The following C8orf34 variants were observed in gnomAD, a reference collection of about 807,000 sequenced individuals.
The protein encoded by C8orf34 is uncharacterized protein C8orf34.
In C8orf34, 65 loss-of-function variants were observed where a neutral mutation model predicts 68.3. That is an observed-to-expected ratio of 0.95 (90% CI 0.78 to 1.17). C8orf34 has a LOEUF of 1.17. Ranked by LOEUF, C8orf34 falls within the 50% of genes most tolerant of loss-of-function variation. C8orf34 has a pLI of 0.00. For missense variants in C8orf34, 664 were observed against 655.4 expected (o/e 1.01, Z -0.14); for synonymous variants, 244 against 241.2 (o/e 1.01, Z -0.11).
intron 10 of C8orf34, among the ~76,000 whole-genome samples, chr8:68,722,372 T>C (rs1821701100): frequency 6.6e-6 from 1 of 152,052 alleles, no homozygotes; most frequent in Admixed American, 6.6e-5. Context: ...TCTGAGGTAC[T>C]TGGGCTAGGA....
chr8:68,479,245 G>C (rs533209980), intron 4 of C8orf34, among the ~76,000 whole-genome samples: 1 of 152,202 alleles, frequency 6.6e-6, no homozygotes, highest in Non-Finnish European at 1.5e-5. Flanking sequence ...AGAGAGATGA[G>C]GAGTAGAGAA....
chr8:68,507,303 A>G (rs1303334563), intron 5 of C8orf34, among the ~76,000 whole-genome samples: 1 of 152,186 alleles, frequency 6.6e-6, no homozygotes, highest in Non-Finnish European at 1.5e-5. Flanking sequence ...CCATTGATTT[A>G]TTACTTGTCT....
chr8:68,543,660 T>G (rs2129963184), intron 7 of C8orf34, among the ~76,000 whole-genome samples: 1 of 152,320 alleles, frequency 6.6e-6, no homozygotes, highest in East Asian at 1.9e-4. Context: ...AAACCTGCAA[T>G]TAAACACTAA....
intron 8 of C8orf34, among the ~76,000 whole-genome samples, chr8:68,677,909 C>T (rs1312008711): frequency 6.6e-6 from 1 of 152,044 alleles, no homozygotes; most frequent in East Asian, 1.9e-4. Context: ...GACATTACAA[C>T]CAATATTGCA....
chr8:68,508,878 A>G lies in C8orf34; in HGVS notation c.766-12921A>G, dbSNP rs747708711. Reference sequence around the variant, plus strand: ...TTTTATTGGGTGAAAAAGGAAGAAAAGGGGGAAACAGGGACTCTCGCTAGG... The same window carrying G: ...TTTTATTGGGTGAAAAAGGAAGAAAGGGGGGAAACAGGGACTCTCGCTAGG... On this transcript the variant is annotated intron_variant, in intron 5 of 13. Transcript: ENST00000518698. Among the ~76,000 whole-genome samples, 6 of 152,184 alleles carry G rather than the reference A, an allele frequency of 3.9e-5. 1 individual carries two copies. The highest frequency in any genetic ancestry group is 4.2e-4 in the South Asian group (2 of 4,816).
chr8:68,766,395 C>T (rs1317095758), intron 10 of C8orf34, among the ~76,000 whole-genome samples: 2 of 152,118 alleles, frequency 1.3e-5, no homozygotes, highest in East Asian at 3.9e-4. Flanking sequence ...AGAATTTATA[C>T]AGGTACTTTA....
chr8:68,473,843 T>C (rs1245298518), intron 4 of C8orf34, among the ~76,000 whole-genome samples: 1 of 152,164 alleles, frequency 6.6e-6, no homozygotes, highest in African/African-American at 2.4e-5. Flanking sequence ...ATGAGCAGTT[T>C]TCCAGTCTTC....
chr8:68,693,948 G>A (rs1450472397), intron 8 of C8orf34, among the ~76,000 whole-genome samples: 1 of 152,036 alleles, frequency 6.6e-6, no homozygotes, highest in African/African-American at 2.4e-5. Context: ...AAAGGGTGGA[G>A]GAATATTGCA....
chr8:68,473,202 T>G (rs146971860), intron 4 of C8orf34, among the ~76,000 whole-genome samples: 71 of 152,178 alleles, frequency 4.7e-4, no homozygotes, highest in African/African-American at 1.3e-3. Context: ...GGAGAACAGT[T>G]CTCTCTCTTG....
Position 68,779,180 on chromosome 8 carries a change from A to AACACACAC in C8orf34, c.1455+2774_1455+2781dup, listed in dbSNP as rs10550333. Among the ~76,000 whole-genome samples, 27 of 139,244 alleles carry AACACACAC rather than the reference A, an allele frequency of 1.9e-4. 1 individual carries two copies. Among genetic ancestry groups the AACACACAC allele is most frequent in the South Asian group, 1.5e-3 (6 of 4,088 alleles). 91.3% of individuals were successfully genotyped at this position (139,244 alleles called of 152,430 possible). ...TGACAGTATAAGATCCTGTCTCTGA[A>AACACACAC]ACACACACACACACACACACACACA... On this transcript the variant is annotated intron_variant, in intron 11 of 13. Coordinates refer to ENST00000518698, the MANE Select transcript of C8orf34 (RefSeq NM_052958.4).
At chr8:68,617,967 G>A (rs927860399) in intron 7 of C8orf34, among the ~76,000 whole-genome samples, 2 of 152,004 alleles carry the variant, frequency 1.3e-5, no homozygotes, top group African/African-American at 2.4e-5. Context: ...CATATTTCTT[G>A]GAGGCTTTGT....
At chr8:68,778,286 A>G (rs1823578109) in intron 11 of C8orf34, among the ~76,000 whole-genome samples, 1 of 152,194 alleles carries the variant, frequency 6.6e-6, no homozygotes, top group African/African-American at 2.4e-5. Flanking sequence ...TATAAATGTT[A>G]GAAGCATTGA....
At position 68,720,545 on chromosome 8, in the gene C8orf34, T is replaced by G. The variant is rs532232117; in HGVS notation, c.1328-816T>G. 1.4e-3 allele frequency among the ~76,000 whole-genome samples: 219 copies of G among 152,022 alleles called. 2 individuals are homozygous for G. Among genetic ancestry groups the G allele is most frequent in the African/African-American group, 4.9e-3 (204 of 41,538 alleles). Reference sequence around the variant, plus strand: ...TGACTCCCTCAAGTATTAATAAATATAAGAAATTAATTTTTAAATCCAGTG... The same window carrying G: ...TGACTCCCTCAAGTATTAATAAATAGAAGAAATTAATTTTTAAATCCAGTG... On this transcript the variant is annotated intron_variant, in intron 9 of 13. Transcript: ENST00000518698.
At chr8:68,381,863 G>T (rs1173637166) in intron 1 of C8orf34, among the ~76,000 whole-genome samples, 10 of 149,802 alleles carry the variant, frequency 6.7e-5, no homozygotes, top group African/African-American at 1.5e-4. Context: ...AAAACAGAAA[G>T]TAAAAATAAT....
intron 1 of C8orf34, among the ~76,000 whole-genome samples, chr8:68,380,941 A>G (rs1808004643): frequency 6.6e-6 from 1 of 152,196 alleles, no homozygotes; most frequent in South Asian, 2.1e-4. Flanking sequence ...GTCCATATTA[A>G]TAAGTTAGAT....
At position 68,460,910 on chromosome 8, in the gene C8orf34, T is replaced by C. The variant is rs575274807; in HGVS notation, c.608-7782T>C. 7.9e-4 allele frequency among the ~76,000 whole-genome samples: 120 copies of C among 152,302 alleles called. 1 individual carries two copies. Among genetic ancestry groups the C allele is most frequent in the African/African-American group, 2.8e-3 (118 of 41,570 alleles). ...CCTCTCCTCCTCCAAAGGAACGCAG[T>C]TCCTCACCAGCAACGGAACAAAGCT... On this transcript the variant is annotated intron_variant, in intron 3 of 13. Coordinates refer to ENST00000518698, the MANE Select transcript of C8orf34 (RefSeq NM_052958.4).
chr8:68,715,717 G>A lies in C8orf34; in HGVS notation c.1328-5644G>A, dbSNP rs550431161. 1.8e-4 allele frequency among the ~76,000 whole-genome samples: 28 copies of A among 152,130 alleles called. No homozygotes were observed. The South Asian group carries it at 5.8e-3, about 32-fold the overall frequency. ...AAGGAACACTTTTACAGGGCTGGTG[G>A]GAATGTAAACCAGTACAACCACTCT... On this transcript the variant is annotated intron_variant, in intron 9 of 13. Transcript: ENST00000518698.
At chr8:68,459,372 G>A (rs943667124) in intron 3 of C8orf34, among the ~76,000 whole-genome samples, 2 of 152,106 alleles carry the variant, frequency 1.3e-5, no homozygotes, top group African/African-American at 2.4e-5. Context: ...TGGGACTACA[G>A]GTGCGTGCCA....
At chr8:68,391,309 G>A (rs1808470384) in intron 1 of C8orf34, among the ~76,000 whole-genome samples, 1 of 152,130 alleles carries the variant, frequency 6.6e-6, no homozygotes, top group Non-Finnish European at 1.5e-5. Context: ...CCATGTGTAG[G>A]ACAACCAGAG....
Sources: allele counts gnomAD v4.1 joint callset (sites outside exome capture counted in the v4.1 genomes callset), GRCh38; gene constraint gnomAD v4.1.1; transcripts MANE v1.5; gene names NCBI Gene and HGNC (gene_info 2026-07-23, HGNC 2026-07-21).